CCSER1: variants seen among roughly 807,000 people sequenced by gnomAD.
CCSER1 encodes the protein serine-rich coiled-coil domain-containing protein 1.
In CCSER1, 41 loss-of-function variants were observed where a neutral mutation model predicts 82.0. The ratio of observed to expected loss-of-function variants is 0.50; its 90% CI spans 0.39 to 0.65. CCSER1 has a LOEUF of 0.65. Ranked by LOEUF, CCSER1 falls within the 30% of genes least tolerant of loss-of-function variation. The probability of loss-of-function intolerance (pLI) is 0.00; values close to 1 mark genes in which losing one functional copy is unlikely to be tolerated. For synonymous variants in CCSER1, 414 were observed against 383.9 expected, an observed-to-expected ratio of 1.08 and a Z score of -0.92; for missense variants, 1,119 against 1,064.2, an observed-to-expected ratio of 1.05 and a Z score of -0.72.
At chr4:90,416,269 A>G (rs577493533) in intron 4 of CCSER1, among the ~76,000 whole-genome samples, 2 of 152,332 alleles carry the variant, frequency 1.3e-5, no homozygotes, top group African/African-American at 2.4e-5. Context: ...TTGAATGCCT[A>G]TAATGAGCCA....
chr4:91,517,900 CA>C (rs1304275464), intron 10 of CCSER1, among the ~76,000 whole-genome samples: 16 of 150,244 alleles, frequency 1.1e-4, no homozygotes, highest in South Asian at 4.2e-4. Flanking sequence ...TTTGGTTTCA[CA>C]GGGGGGGTAT....
At chr4:90,613,622 C>T (rs972841538) in intron 5 of CCSER1, among the ~76,000 whole-genome samples, 4 of 152,092 alleles carry the variant, frequency 2.6e-5, no homozygotes, top group African/African-American at 9.7e-5. Context: ...TGCCTAAATT[C>T]ATCAGAAGAA....
At chr4:90,646,449 A>G (rs997093899) in intron 6 of CCSER1, among the ~76,000 whole-genome samples, 1 of 152,060 alleles carries the variant, frequency 6.6e-6, no homozygotes, top group African/African-American at 2.4e-5. Context: ...AAATAGACCT[A>G]AAAAACAAAC....
At chr4:91,574,852 T>A (rs945279681) in intron 10 of CCSER1, among the ~76,000 whole-genome samples, 1 of 151,848 alleles carries the variant, frequency 6.6e-6, no homozygotes, top group Non-Finnish European at 1.5e-5. Flanking sequence ...AATATACCCA[T>A]GTAACAAACC....
At chr4:90,801,713 TA>T in intron 7 of CCSER1, among the ~76,000 whole-genome samples, 1 of 152,360 alleles carries the variant, frequency 6.6e-6, no homozygotes, top group East Asian at 1.9e-4. Flanking sequence ...AAATGCCATT[TA>T]CTTTGATCAT....
chr4:91,186,491 G>A lies in CCSER1; in HGVS notation c.2217+100497G>A, dbSNP rs116546371. On this transcript the variant is annotated intron_variant, in intron 10 of 10. Coordinates refer to ENST00000509176, the MANE Select transcript of CCSER1 (RefSeq NM_001145065.2). ...TCCGGCAATCCTTCGACCTGGATTC[G>A]AGCCCCCGTGATGGACGCCACTTGC... 5.0e-3 allele frequency among the ~76,000 whole-genome samples: 764 copies of A among 152,086 alleles called. 7 individuals are homozygous for A. Among genetic ancestry groups the A allele is most frequent in the African/African-American group, 0.017 (721 of 41,498 alleles).
At chr4:90,824,039 T>C (rs979722517) in intron 8 of CCSER1, among the ~76,000 whole-genome samples, 4 of 151,996 alleles carry the variant, frequency 2.6e-5, no homozygotes, top group Non-Finnish European at 2.9e-5. Flanking sequence ...AAAAATAAGC[T>C]TTTCAGGCAT....
intron 1 of CCSER1, among the ~76,000 whole-genome samples, chr4:90,255,780 A>C (rs963441267): frequency 6.6e-6 from 1 of 152,222 alleles, no homozygotes; most frequent in Admixed American, 6.5e-5. Flanking sequence ...ACAGATTGCC[A>C]GTAGTTAGTG....
chr4:91,485,359 T>C (rs1374679308), intron 10 of CCSER1, among the ~76,000 whole-genome samples: 1 of 152,174 alleles, frequency 6.6e-6, no homozygotes, highest in Non-Finnish European at 1.5e-5. Flanking sequence ...ATGCTACGAA[T>C]AAATGTTTGA....
intron 10 of CCSER1, among the ~76,000 whole-genome samples, chr4:91,149,180 G>A (rs1175827737): frequency 6.6e-6 from 1 of 152,028 alleles, no homozygotes; most frequent in East Asian, 1.9e-4. Flanking sequence ...CATTCTAACT[G>A]GTGTGAGATG....
intron 10 of CCSER1, among the ~76,000 whole-genome samples, chr4:91,100,561 G>C (rs973266097): frequency 2.0e-5 from 3 of 152,056 alleles, no homozygotes; most frequent in Non-Finnish European, 2.9e-5. Flanking sequence ...TTCTGAGGTA[G>C]CAAATCCCAA....
At chr4:90,503,404 T>C (rs1044841309) in intron 5 of CCSER1, among the ~76,000 whole-genome samples, 22 of 152,270 alleles carry the variant, frequency 1.4e-4, no homozygotes, top group African/African-American at 5.3e-4. Flanking sequence ...TTTAGAAAGA[T>C]TATTATTTTT....
intron 6 of CCSER1, among the ~76,000 whole-genome samples, chr4:90,712,177 TC>T (rs1305790178): frequency 6.6e-6 from 1 of 152,070 alleles, no homozygotes; most frequent in African/African-American, 2.4e-5. Flanking sequence ...TTTCTTGTCT[TC>T]CGCTAGTTTT....
intron 10 of CCSER1, among the ~76,000 whole-genome samples, chr4:91,257,557 T>C: frequency 6.6e-6 from 1 of 151,952 alleles, no homozygotes; most frequent in East Asian, 1.9e-4. Context: ...ACTAACTGTT[T>C]ATTCCAAAGC....
chr4:90,752,923 A>C (rs1748909176), intron 7 of CCSER1, among the ~76,000 whole-genome samples: 1 of 152,126 alleles, frequency 6.6e-6, no homozygotes, highest in Non-Finnish European at 1.5e-5. Context: ...CAAGTCTCCA[A>C]ATCCCTTTTC....
At chr4:91,434,989 T>G (rs1578442678) in intron 10 of CCSER1, among the ~76,000 whole-genome samples, 1 of 152,208 alleles carries the variant, frequency 6.6e-6, no homozygotes, top group Non-Finnish European at 1.5e-5. Context: ...TTGTTGTTGT[T>G]GTTGTTTGTT....
chr4:91,114,699 C>T (rs979820112), intron 10 of CCSER1, among the ~76,000 whole-genome samples: 36 of 152,164 alleles, frequency 2.4e-4, no homozygotes, highest in African/African-American at 8.4e-4. Context: ...GGGAGGGAGA[C>T]GGCTCCCGCT....
intron 9 of CCSER1, among the ~76,000 whole-genome samples, chr4:90,951,492 A>G (rs1732907157): frequency 1.3e-5 from 2 of 152,112 alleles, no homozygotes; most frequent in African/African-American, 4.8e-5. Flanking sequence ...TGAGGCGGAA[A>G]GAATACTGCA....
At chr4:90,467,051 G>A (rs114413014) in intron 4 of CCSER1, among the ~76,000 whole-genome samples, 1,779 of 152,228 alleles carry the variant, frequency 0.012, 14 homozygotes, top group South Asian at 0.022. Context: ...AGACATAGAT[G>A]AATCTTATAA....
Sources: gnomAD v4.1 joint callset for allele counts (sites outside exome capture counted in the v4.1 genomes callset) on GRCh38, gnomAD v4.1.1 for gene constraint, MANE v1.5 for transcripts, NCBI Gene and HGNC (gene_info 2026-07-23, HGNC 2026-07-21) for gene names.